ZNF26: variants seen among roughly 807,000 people sequenced by gnomAD.
ZNF26 encodes zinc finger protein 26.
In ZNF26, 32 loss-of-function variants were observed where a neutral mutation model predicts 54.9. That is an observed-to-expected ratio of 0.58 (90% CI 0.44 to 0.78). The LOEUF is 0.78. Among genes scored for constraint, ZNF26 ranks in the 30% least tolerant of loss-of-function variants. The probability of loss-of-function intolerance (pLI) is 0.00; values close to 1 mark genes in which losing one functional copy is unlikely to be tolerated. For missense variants in ZNF26, 524 were observed against 634.0 expected (o/e 0.83, Z 1.86); for synonymous variants, 221 against 209.2 (o/e 1.06, Z -0.49).
In ZNF26 at chr12:132,986,715, C is replaced by T; in HGVS notation, c.-126C>T. ...GCCGGCGTCCCTGCCAACGACTCGG[C>T]CCCGGGACGGTCAGGAGCCTGGGGC... On this transcript the variant is annotated 5_prime_UTR_variant, in exon 1 of 4. Coordinates refer to ENST00000328654, the MANE Select transcript of ZNF26 (RefSeq NM_019591.4). The T allele has an allele frequency of 9.5e-7, 1 of 1,050,388 alleles. No homozygotes were observed. Among genetic ancestry groups the T allele is most frequent in the Non-Finnish European group, 1.4e-6 (1 of 724,556 alleles). The allele number at this position is 1,050,388 out of a possible 1,614,324, so 65.1% of individuals were successfully genotyped here. A position where few individuals can be genotyped will look rare whatever the true frequency, so the allele number is the denominator to read the frequency against.
At chr12:132,987,940 A>G (rs909479549) in intron 1 of ZNF26, among the ~76,000 whole-genome samples, 57 of 152,326 alleles carry the variant, frequency 3.7e-4, no homozygotes, top group African/African-American at 1.1e-3. Flanking sequence ...ATTGAGTTCT[A>G]TTGATCTATT....
chr12:132,994,773 C>T (rs1177448550), intron 1 of ZNF26, among the ~76,000 whole-genome samples: 1 of 152,162 alleles, frequency 6.6e-6, no homozygotes, highest in Non-Finnish European at 1.5e-5. Flanking sequence ...TGGTAGACAT[C>T]AACTATCATT....
At chr12:133,000,936 G>A (rs1407095530) in intron 1 of ZNF26, among the ~76,000 whole-genome samples, 1 of 152,034 alleles carries the variant, frequency 6.6e-6, no homozygotes. Flanking sequence ...TGGTCTACCC[G>A]CTGCTCCTGG....
chr12:132,998,253 G>A (rs1462828973), intron 1 of ZNF26, among the ~76,000 whole-genome samples: 8 of 150,874 alleles, frequency 5.3e-5, no homozygotes, highest in Non-Finnish European at 8.8e-5. Flanking sequence ...TGCAACCTTC[G>A]CCTCCCGGGT....
At chr12:133,006,929 A>G in intron 1 of ZNF26, 113 bp from the exon 2 acceptor site, 1 of 1,311,500 alleles carries the variant, frequency 7.6e-7, no homozygotes, top group East Asian at 2.3e-5. Context: ...ATGCTGAACC[A>G]GCCACAGGAA....
At chr12:133,007,192 C>T in intron 2 of ZNF26, 24 bp downstream of exon 2, 2 of 1,607,826 alleles carry the variant, frequency 1.2e-6, no homozygotes, top group Non-Finnish European at 1.7e-6. Flanking sequence ...CTCAATGTTA[C>T]TCAGATAGTG....
In ZNF26 at chr12:133,022,134, C is replaced by T. The variant is rs1953651396; in HGVS notation, c.*10653C>T. The T allele has an allele frequency of 1.3e-5, 2 of 151,958 alleles. No individual in the cohort carries two copies. Among genetic ancestry groups the T allele is most frequent in the Non-Finnish European group, 2.9e-5 (2 of 68,004 alleles). 9.4% of individuals were successfully genotyped at this position (151,958 alleles called of 1,614,324 possible). A position where few individuals can be genotyped will look rare whatever the true frequency, so the allele number is the denominator to read the frequency against. On this transcript the variant is annotated 3_prime_UTR_variant, in exon 4 of 4. Transcript: ENST00000328654. The stretch of plus-strand genomic sequence containing the variant: ...TCGGGAGGCTGAGACGGGAGTATCA[C>T]TTGAACTCGAAAGGTGGAGGTTGCA...
rs1953469432 is a variant in ZNF26 at position 133,011,401 on chromosome 12, A to G, written c.1522A>G (p.Lys508Glu). 2 of 1,605,504 alleles carry G rather than the reference A, an allele frequency of 1.2e-6. No individual in the cohort carries two copies. Among genetic ancestry groups the G allele is most frequent in the African/African-American group, 1.3e-5 (1 of 74,454 alleles). Residue 508 changes from lysine to glutamate, a missense_variant, in exon 4 of 4, where the codon AAA becomes GAA. Coordinates refer to ENST00000328654, the MANE Select transcript of ZNF26 (RefSeq NM_019591.4). ...ACATCAGAGAGTTCACACCGGAGAG[A>G]AACCATGGAAATGCTCTGAATGTGG... ...SEHQRVHTGE[K>E]PWKCSECGKS... is the part of the protein sequence containing the mutation.
At chr12:133,005,451 TCGG>T (rs1238267597) in intron 1 of ZNF26, 1 of 152,248 alleles carries the variant, frequency 6.6e-6, no homozygotes, top group African/African-American at 2.4e-5. Context: ...TCCGCTTCCC[TCGG>T]CCTCCCAGAG....
rs1953627478 is a variant in ZNF26, at chr12:133,020,585, A to C, written c.*9104A>C. 6.6e-6 allele frequency: 1 copy of C among 152,436 alleles called. No individual in the cohort carries two copies. The highest frequency in any genetic ancestry group is 2.1e-4 in the South Asian group (1 of 4,826). The allele number at this position is 152,436 out of a possible 1,614,324, so 9.4% of individuals were successfully genotyped here. ...AGCAAAATCTGACAGAAATGAAGAG[A>C]GACAACTCAACAATACTAGTTGGAG... On this transcript the variant is annotated 3_prime_UTR_variant, in exon 4 of 4. Coordinates refer to ENST00000328654, the MANE Select transcript of ZNF26 (RefSeq NM_019591.4).
chr12:133,012,690 T>G lies in ZNF26; in HGVS notation c.*1209T>G, dbSNP rs1220503920. ...TCACTGCAACTTCCACCTCCTGGGT[T>G]CAAGCAATTTCCTTGCCTCAGCCTC... On this transcript the variant is annotated 3_prime_UTR_variant, in exon 4 of 4. Transcript: ENST00000328654. The G allele has an allele frequency of 1.4e-5, 2 of 146,358 alleles. No individual in the cohort carries two copies. The highest frequency in any genetic ancestry group is 1.4e-4 in the Admixed American group (2 of 14,216). 9.1% of individuals were successfully genotyped at this position (146,358 alleles called of 1,614,324 possible). A position where few individuals can be genotyped will look rare whatever the true frequency, so the allele number is the denominator to read the frequency against.
At chr12:132,988,892 C>T (rs1314506420) in intron 1 of ZNF26, among the ~76,000 whole-genome samples, 2 of 152,100 alleles carry the variant, frequency 1.3e-5, no homozygotes, top group East Asian at 3.9e-4. Flanking sequence ...TTTGTGGGTG[C>T]TACTGTAAAT....
intron 1 of ZNF26, among the ~76,000 whole-genome samples, chr12:132,997,893 G>A (rs1457034915): frequency 1.3e-5 from 2 of 152,070 alleles, no homozygotes; most frequent in African/African-American, 2.4e-5. Context: ...ACGAAAACCT[G>A]GTTCCTTTTT....
intron 3 of ZNF26, among the ~76,000 whole-genome samples, chr12:133,008,475 A>G (rs926358991): frequency 1.3e-5 from 2 of 152,046 alleles, no homozygotes; most frequent in Non-Finnish European, 1.5e-5. Context: ...TTTCATTGCT[A>G]TAAAGAAATA....
Position 132,986,372 on chromosome 12 carries a change from C to A in ZNF26, c.-469C>A, listed in dbSNP as rs937041789. 149 of 159,282 alleles carry A rather than the reference C, an allele frequency of 9.4e-4. No individual in the cohort carries two copies. Among genetic ancestry groups the A allele is most frequent in the African/African-American group, 3.3e-3 (136 of 41,814 alleles). The allele number at this position is 159,282 out of a possible 1,614,324, so 9.9% of individuals were successfully genotyped here. A position where few individuals can be genotyped will look rare whatever the true frequency, so the allele number is the denominator to read the frequency against. ...CGCACTTCCGCATGCGCCGCACTCC[C>A]GGCCTTAGTCGGGTGCGCGCGTGCA... is the stretch of plus-strand genomic sequence containing the variant. On this transcript the variant is annotated 5_prime_UTR_variant, in exon 1 of 4. Coordinates refer to ENST00000328654, the MANE Select transcript of ZNF26 (RefSeq NM_019591.4).
At chr12:133,006,185 G>C (rs1366406068) in intron 1 of ZNF26, 1 of 984,882 alleles carries the variant, frequency 1.0e-6, no homozygotes, top group Non-Finnish European at 1.2e-6. Flanking sequence ...TCTTAGACTG[G>C]GTTGCCCTGG....
chr12:132,993,799 A>G (rs11831676), intron 1 of ZNF26, among the ~76,000 whole-genome samples: 2,522 of 152,136 alleles, frequency 0.017, 79 homozygotes, highest in African/African-American at 0.057. Context: ...GTCCCTTTAC[A>G]TTCATAGCTA....
At chr12:132,995,014 C>T (rs1953046000) in intron 1 of ZNF26, among the ~76,000 whole-genome samples, 1 of 152,222 alleles carries the variant, frequency 6.6e-6, no homozygotes, top group South Asian at 2.1e-4. Flanking sequence ...CATTGAGAAC[C>T]ACTGGGCACA....
At chr12:132,987,002 C>T (rs1412679600) in intron 1 of ZNF26, 129 bp downstream of exon 1, 7 of 1,059,648 alleles carry the variant, frequency 6.6e-6, no homozygotes, top group Non-Finnish European at 9.7e-6. Context: ...ACTAGACTAC[C>T]CTCCCCACCA....
Sources: gnomAD v4.1 joint callset for allele counts (sites outside exome capture counted in the v4.1 genomes callset) on GRCh38, gnomAD v4.1.1 for gene constraint, MANE v1.5 for transcripts, NCBI Gene and HGNC (gene_info 2026-07-23, HGNC 2026-07-21) for gene names.